The following TCERG1L variants were observed in gnomAD, a reference collection of about 807,000 sequenced individuals.
TCERG1L encodes transcription elongation regulator 1 like.
TCERG1L carries 37 observed loss-of-function variants against 56.3 expected under a neutral mutation model. The ratio of observed to expected loss-of-function variants is 0.66; its 90% CI spans 0.51 to 0.87. The LOEUF (loss-of-function observed/expected upper bound fraction) is 0.87, where lower values mean the gene tolerates loss of function less well. TCERG1L is among the 40% of genes least tolerant of loss of function. The pLI is 0.00. For missense variants in TCERG1L, 799 were observed against 774.2 expected (o/e 1.03, Z -0.38); for synonymous variants, 324 against 326.3 (o/e 0.99, Z 0.08).
chr10:131,151,907 C>T (rs1845871073), intron 6 of TCERG1L, among the ~76,000 whole-genome samples: 1 of 152,232 alleles, frequency 6.6e-6, no homozygotes, highest in African/African-American at 2.4e-5. Flanking sequence ...GCCACCAAGG[C>T]TTGGGGCTTG....
chr10:131,223,985 T>C (rs1292696960), intron 4 of TCERG1L, among the ~76,000 whole-genome samples: 2 of 151,998 alleles, frequency 1.3e-5, no homozygotes, highest in African/African-American at 2.4e-5. Context: ...GCATTCCCCG[T>C]GGTGAGAAGC....
rs991165209 is a variant in TCERG1L at position 131,133,456 on chromosome 10, C to T, written c.1259+923G>A. On this transcript the variant is annotated intron_variant, in intron 8 of 11. Coordinates refer to ENST00000368642, the MANE Select transcript of TCERG1L (RefSeq NM_174937.4). ...ATGCAGGAGCCTGGTGCAGGATGAA[C>T]GCACCTGTGGGCTGTGGCAGGACCC... Among the ~76,000 whole-genome samples the T allele has an allele frequency of 1.1e-4, 17 of 152,248 alleles. No individual in the cohort carries two copies. In the East Asian group the frequency reaches 1.7e-3, roughly 16 times the overall value.
chr10:131,195,603 T>G (rs1277637788), intron 4 of TCERG1L, among the ~76,000 whole-genome samples: 2 of 152,056 alleles, frequency 1.3e-5, no homozygotes, highest in Non-Finnish European at 2.9e-5. Flanking sequence ...GAGGCCTCTT[T>G]CTCCAGCCCG....
chr10:131,298,942 C>A (rs1846727966), intron 3 of TCERG1L, among the ~76,000 whole-genome samples: 1 of 152,194 alleles, frequency 6.6e-6, no homozygotes, highest in Non-Finnish European at 1.5e-5. Context: ...ATGCTGAAAT[C>A]TCCAACTGTA....
At chr10:131,147,795 G>C (rs900572599) in intron 6 of TCERG1L, among the ~76,000 whole-genome samples, 1 of 152,248 alleles carries the variant, frequency 6.6e-6, no homozygotes, top group African/African-American at 2.4e-5. Flanking sequence ...TGTCGGGCAC[G>C]GCCTAGGCCC....
At chr10:131,197,476 C>T (rs1845378745) in intron 4 of TCERG1L, among the ~76,000 whole-genome samples, 1 of 150,592 alleles carries the variant, frequency 6.6e-6, no homozygotes, top group Non-Finnish European at 1.5e-5. Context: ...TGAGCCACCA[C>T]ACCTGGCCTT....
chr10:131,123,026 T>C (rs11017736), intron 8 of TCERG1L, among the ~76,000 whole-genome samples: 101,206 of 152,144 alleles, frequency 0.67, 34,169 homozygotes, highest in East Asian at 0.99. Flanking sequence ...CTGAGCCTCC[T>C]AGGTCGTTCA....
At chr10:131,248,612 G>A (rs1318748018) in intron 4 of TCERG1L, among the ~76,000 whole-genome samples, 1 of 152,172 alleles carries the variant, frequency 6.6e-6, no homozygotes, top group Non-Finnish European at 1.5e-5. Flanking sequence ...TGGCTGGAGG[G>A]CCATCTTAGC....
At chr10:131,142,034 T>C (rs1032204013) in intron 7 of TCERG1L, among the ~76,000 whole-genome samples, 1 of 152,202 alleles carries the variant, frequency 6.6e-6, no homozygotes, top group Non-Finnish European at 1.5e-5. Context: ...CCTGTCGCAG[T>C]TCACCTGCTT....
intron 7 of TCERG1L, among the ~76,000 whole-genome samples, chr10:131,139,470 C>A (rs976713743): frequency 6.6e-6 from 1 of 152,022 alleles, no homozygotes; most frequent in African/African-American, 2.4e-5. Context: ...GAACTGGGTG[C>A]GGGAGGCAGG....
chr10:131,201,442 C>A (rs1845433766), intron 4 of TCERG1L, among the ~76,000 whole-genome samples: 1 of 152,152 alleles, frequency 6.6e-6, no homozygotes, highest in African/African-American at 2.4e-5. Flanking sequence ...TCCCCGGGGT[C>A]TCGTAAGGCG....
At chr10:131,119,855 G>T (rs7089426) in intron 8 of TCERG1L, among the ~76,000 whole-genome samples, 5 of 152,158 alleles carry the variant, frequency 3.3e-5, no homozygotes, top group Non-Finnish European at 7.4e-5. Flanking sequence ...GAGCCAGGGA[G>T]GTAGCCTTAC....
chr10:131,210,707 T>C lies in TCERG1L; in HGVS notation c.857-43822A>G, dbSNP rs1397559670. 1.1e-4 allele frequency among the ~76,000 whole-genome samples: 16 copies of C among 151,998 alleles called. 1 individual carries two copies. Among genetic ancestry groups the C allele is most frequent in the Admixed American group, 1.0e-3 (16 of 15,260 alleles). ...TCCGCCCTTCCCTCAGTTTCCTCCC[T>C]CCTCTCCTCCTCCTCCTCCTTATTC... On this transcript the variant is annotated intron_variant, in intron 4 of 11. Transcript: ENST00000368642.
At chr10:131,137,612 G>A (rs1413790855) in intron 7 of TCERG1L, among the ~76,000 whole-genome samples, 1 of 152,124 alleles carries the variant, frequency 6.6e-6, no homozygotes, top group Non-Finnish European at 1.5e-5. Context: ...AGGCCACGGG[G>A]GAAACATCCA....
At chr10:131,189,753 A>C (rs548230437) in intron 4 of TCERG1L, among the ~76,000 whole-genome samples, 1 of 152,170 alleles carries the variant, frequency 6.6e-6, no homozygotes, top group Non-Finnish European at 1.5e-5. Flanking sequence ...AGAAATCTCC[A>C]TGCTGATTTT....
chr10:131,219,795 T>C (rs1845711648), intron 4 of TCERG1L, among the ~76,000 whole-genome samples: 1 of 152,220 alleles, frequency 6.6e-6, no homozygotes, highest in Admixed American at 6.5e-5. Context: ...CAGAGCTGTT[T>C]ACAGTACAAC....
chr10:131,274,428 G>C (rs1416524323), intron 3 of TCERG1L, among the ~76,000 whole-genome samples: 1 of 152,170 alleles, frequency 6.6e-6, no homozygotes, highest in African/African-American at 2.4e-5. Context: ...ATGAGTCTTG[G>C]CTTTAGGACT....
intron 3 of TCERG1L, among the ~76,000 whole-genome samples, chr10:131,278,343 T>C (rs921198584): frequency 1.4e-5 from 2 of 147,886 alleles, no homozygotes; most frequent in African/African-American, 4.9e-5. Context: ...TTTTTCTTTT[T>C]TTTTTTTTTT....
intron 4 of TCERG1L, among the ~76,000 whole-genome samples, chr10:131,202,788 T>C (rs1845456283): frequency 6.6e-6 from 1 of 152,184 alleles, no homozygotes; most frequent in South Asian, 2.1e-4. Flanking sequence ...ATGAGAAGAA[T>C]AGGGTTGGGA....
Sources: gnomAD v4.1 joint callset for allele counts (sites outside exome capture counted in the v4.1 genomes callset) on GRCh38, gnomAD v4.1.1 for gene constraint, MANE v1.5 for transcripts, NCBI Gene and HGNC (gene_info 2026-07-23, HGNC 2026-07-21) for gene names.